CFTR: variants seen among roughly 807,000 people sequenced by gnomAD.
CFTR encodes cystic fibrosis transmembrane conductance regulator.
CFTR carries 181 observed loss-of-function variants against 171.6 expected under a neutral mutation model. The ratio of observed to expected loss-of-function variants is 1.05; its 90% confidence interval spans 0.93 to 1.19. The LOEUF is 1.19. Ranked by LOEUF, CFTR falls within the 50% of genes most tolerant of loss-of-function variation. The probability of loss-of-function intolerance (pLI) is 0.00; values close to 1 mark genes in which losing one functional copy is unlikely to be tolerated. For synonymous variants in CFTR, 583 were observed against 608.0 expected, an observed-to-expected ratio of 0.96 and a Z score of 0.60; for missense variants, 1,968 against 1,734.7, an observed-to-expected ratio of 1.13 and a Z score of -2.39.
intron 23 of CFTR, among the ~76,000 whole-genome samples, chr7:117,645,966 A>G (rs1203280099): frequency 6.6e-5 from 10 of 152,186 alleles, no homozygotes; most frequent in Admixed American, 6.5e-4. Flanking sequence ...AGTGCATAAC[A>G]CAATAACTTG....
intron 1 of CFTR, among the ~76,000 whole-genome samples, chr7:117,489,872 AGTTG>A (rs1408198655): frequency 6.6e-6 from 1 of 151,986 alleles, no homozygotes; most frequent in African/African-American, 2.4e-5. Flanking sequence ...TCAAATCAGA[AGTTG>A]GTGAATTCAC....
intron 1 of CFTR, chr7:117,487,632 A>G (rs965447471): frequency 2.0e-5 from 3 of 152,138 alleles, no homozygotes; most frequent in East Asian, 1.9e-4. Flanking sequence ...TCCTTGTTTT[A>G]TGTTAAAACT....
chr7:117,559,876 T>A (rs937937292), intron 11 of CFTR, among the ~76,000 whole-genome samples: 9 of 152,104 alleles, frequency 5.9e-5, no homozygotes, highest in Non-Finnish European at 5.9e-5. Context: ...AATAATGGGT[T>A]CATTTGATCA....
In CFTR at chr7:117,590,512, T is replaced by G. The variant is rs397508299; in HGVS notation, c.1766+73T>G. 3.1e-4 allele frequency: 475 copies of G among 1,525,678 alleles called. 1 individual carries two copies. The highest frequency in any genetic ancestry group is 3.8e-4 in the Non-Finnish European group (424 of 1,125,096). 94.5% of individuals were successfully genotyped at this position (1,525,678 alleles called of 1,614,324 possible). On this transcript the variant is annotated intron_variant, in intron 13 of 26. Transcript: ENST00000003084. ...GAAAGACAGACTGTCCCATCATAGA[T>G]TGCATTTTACCTCTTGAGAAATATG...
intron 4 of CFTR, among the ~76,000 whole-genome samples, chr7:117,531,356 T>C (rs145466110): frequency 4.7e-4 from 71 of 152,182 alleles, no homozygotes; most frequent in Middle Eastern, 3.4e-3. Flanking sequence ...TTTTTTTTTC[T>C]CCTAATCATG....
intron 9 of CFTR, among the ~76,000 whole-genome samples, chr7:117,545,853 C>T (rs1799137423): frequency 1.3e-5 from 2 of 151,572 alleles, no homozygotes; most frequent in Non-Finnish European, 2.9e-5. Context: ...TAGAATCTTG[C>T]TCTATCACGT....
rs35813506 is a variant in CFTR, at chr7:117,611,746, G to A, written c.3305G>A (p.Arg1102Lys). The change falls in exon 20 of 27, where the codon AGA (arginine) becomes AAA (lysine). Residue 1102 changes from arginine (R) to lysine (K), a missense_variant. Arg to Lys is a conservative substitution (Grantham distance 26). Transcript: ENST00000003084. ...TCAACACTGCGCTGGTTCCAAATGA[G>A]AATAGAAATGATTTTTGTCATCTTC... ...YLSTLRWFQM[R>K]IEMIFVIFFI... 1.9e-6 allele frequency: 3 copies of A among 1,613,378 alleles called. No individual in the cohort carries two copies. In the Admixed American group the frequency reaches 5.0e-5, roughly 27 times the overall value.
At chr7:117,493,512 G>A (rs1798193439) in intron 1 of CFTR, among the ~76,000 whole-genome samples, 1 of 151,936 alleles carries the variant, frequency 6.6e-6, no homozygotes, top group South Asian at 2.1e-4. Flanking sequence ...GTGGGAATGC[G>A]GGATTGTTAA....
intron 3 of CFTR, among the ~76,000 whole-genome samples, chr7:117,512,921 C>T (rs1248931800): frequency 6.6e-6 from 1 of 152,030 alleles, no homozygotes; most frequent in African/African-American, 2.4e-5. Context: ...TTCATTAAAC[C>T]TCACAAAATT....
In CFTR at chr7:117,536,414, T is replaced by C. The variant is rs1023886603; in HGVS notation, c.744-134T>C. 2 of 893,702 alleles carry C rather than the reference T, an allele frequency of 2.2e-6. 1 individual carries two copies. The highest frequency in any genetic ancestry group is 2.9e-5 in the South Asian group (2 of 69,524). 55.4% of individuals were successfully genotyped at this position (893,702 alleles called of 1,614,324 possible). A position where few individuals can be genotyped will look rare whatever the true frequency, so the allele number is the denominator to read the frequency against. ...ACAGTAGTTATTATTTTTGTTACCATCTATTTGATAATAAAATAATGCCCA... is the reference window on the plus strand; with the variant it reads ...ACAGTAGTTATTATTTTTGTTACCACCTATTTGATAATAAAATAATGCCCA... On this transcript the variant is annotated intron_variant, in intron 6 of 26. Transcript: ENST00000003084.
chr7:117,529,572 A>T (rs1284753707), intron 3 of CFTR, among the ~76,000 whole-genome samples: 1 of 151,854 alleles, frequency 6.6e-6, no homozygotes. Context: ...TGGTTGACAT[A>T]GTTAATTAAA....
intron 22 of CFTR, among the ~76,000 whole-genome samples, chr7:117,642,000 A>G (rs1225775951): frequency 6.6e-6 from 1 of 152,216 alleles, no homozygotes; most frequent in Non-Finnish European, 1.5e-5. Context: ...GTCAACATCT[A>G]AATATTAGAA....
In CFTR at chr7:117,592,184, G is replaced by A. The variant is rs397508331; in HGVS notation, c.2017G>A (p.Gly673Arg). Reference sequence around the variant, plus strand: ...GACCTTACACCGTTTCTCATTAGAAGGAGATGCTCCTGTCTCCTGGACAGA... The same window carrying A: ...GACCTTACACCGTTTCTCATTAGAAAGAGATGCTCCTGTCTCCTGGACAGA... ...TETLHRFSLE[G>R]DAPVSWTETK... The change falls in exon 14 of 27, where the codon GGA (glycine) becomes AGA (arginine). Residue 673 changes from glycine (G) to arginine (R), a missense_variant. Physicochemically the swap from Gly to Arg is moderately radical, Grantham distance 125 (BLOSUM62 -2). Transcript: ENST00000003084. 6.2e-7 allele frequency: 1 copy of A among 1,613,828 alleles called. No individual in the cohort carries two copies. The highest frequency in any genetic ancestry group is 8.5e-7 in the Non-Finnish European group (1 of 1,180,018).
In CFTR at chr7:117,493,950, A is replaced by G. The variant is rs969485391; in HGVS notation, c.54-10303A>G. Among the ~76,000 whole-genome samples the G allele has an allele frequency of 6.6e-5, 10 of 152,292 alleles. No individual in the cohort carries two copies. The East Asian group carries it at 7.7e-4, about 12-fold the overall frequency. On this transcript the variant is annotated intron_variant, in intron 1 of 26. Transcript: ENST00000003084. Reference sequence around the variant, plus strand: ...ATACCTGTATAACAGAGCAGAGAACATAAACAAATGAAGGTGAAGGGAAGA... The same window carrying G: ...ATACCTGTATAACAGAGCAGAGAACGTAAACAAATGAAGGTGAAGGGAAGA...
intron 24 of CFTR, among the ~76,000 whole-genome samples, chr7:117,657,101 G>A (rs1433494112): frequency 6.6e-6 from 1 of 152,164 alleles, no homozygotes; most frequent in Non-Finnish European, 1.5e-5. Context: ...GGAACACAAT[G>A]CAATGGGAGG....
intron 3 of CFTR, among the ~76,000 whole-genome samples, chr7:117,518,149 G>A: frequency 6.6e-6 from 1 of 151,690 alleles, no homozygotes; most frequent in South Asian, 2.1e-4. Context: ...TGTAGTTGGT[G>A]CAAAAGTAAT....
In CFTR at chr7:117,642,523, A is replaced by G. The variant is rs766370233; in HGVS notation, c.3803A>G (p.Gln1268Arg). The G allele has an allele frequency of 6.2e-7, 1 of 1,613,674 alleles. No individual in the cohort carries two copies. The highest frequency in any genetic ancestry group is 8.5e-7 in the Non-Finnish European group (1 of 1,179,742). The stretch of plus-strand genomic sequence containing the variant: ...CTACTGAACACTGAAGGAGAAATCC[A>G]GATCGATGGTGTGTCTTGGGATTCA... The part of the protein sequence containing the change: ...LRLLNTEGEI[Q>R]IDGVSWDSIT... The change falls in exon 23 of 27, where the codon CAG (glutamine) becomes CGG (arginine). Residue 1268 changes from glutamine (Q) to arginine (R), a missense_variant. Physicochemically the swap from Gln to Arg is conservative, Grantham distance 43. Coordinates refer to ENST00000003084, the MANE Select transcript of CFTR (RefSeq NM_000492.4).
intron 3 of CFTR, among the ~76,000 whole-genome samples, chr7:117,520,516 T>A (rs1237751694): frequency 6.6e-6 from 1 of 151,830 alleles, no homozygotes; most frequent in Non-Finnish European, 1.5e-5. Context: ...GAGTATCCAG[T>A]TTGTCCATCA....
At chr7:117,612,023 G>GTATATATATATATATATATATATATA (rs772661286) in intron 20 of CFTR, among the ~76,000 whole-genome samples, 1 of 53,240 alleles carries the variant, frequency 1.9e-5, no homozygotes, top group Non-Finnish European at 3.2e-5. Context: ...ATATATATAT[G>GTATATATATATATATATATATATATA]TATATATATA....
Sources: gnomAD v4.1 joint callset for allele counts (sites outside exome capture counted in the v4.1 genomes callset) on GRCh38, gnomAD v4.1.1 for gene constraint, MANE v1.5 for transcripts, NCBI Gene and HGNC (gene_info 2026-07-23, HGNC 2026-07-21) for gene names.